GRAMD1A: variants seen among roughly 807,000 people sequenced by gnomAD.
GRAMD1A encodes the protein GRAM domain containing 1A.
GRAMD1A carries 50 observed loss-of-function variants against 92.0 expected under a neutral mutation model. That is an observed-to-expected ratio of 0.54 (90% CI 0.43 to 0.69). The LOEUF (loss-of-function observed/expected upper bound fraction) is 0.69, where lower values mean the gene tolerates loss of function less well. Among genes scored for constraint, GRAMD1A ranks in the 30% least tolerant of loss-of-function variants. The pLI is 0.00. For missense variants in GRAMD1A, 819 were observed against 978.9 expected (o/e 0.84, Z 2.18); for synonymous variants, 405 against 403.6 (o/e 1.00, Z -0.04).
At chr19:35,003,664 G>A (rs547605679) in intron 1 of GRAMD1A, among the ~76,000 whole-genome samples, 10 of 152,346 alleles carry the variant, frequency 6.6e-5, no homozygotes, top group African/African-American at 2.4e-4. Flanking sequence ...GGCAGGGGAG[G>A]ATGTGGTCCT....
chr19:35,013,732 A>G lies in GRAMD1A; in HGVS notation c.870+41A>G. On this transcript the variant is annotated intron_variant, in intron 9 of 19. Transcript: ENST00000317991. The surrounding 1 kb of genome is among the most constrained non-coding windows in gnomAD (Gnocchi z 4.9). ...GAAGAGGGGTGGGATACTGATAGGAAGAGAGAGGAGGGCTGGGGGTGCAGT... is the reference window on the plus strand; with the variant it reads ...GAAGAGGGGTGGGATACTGATAGGAGGAGAGAGGAGGGCTGGGGGTGCAGT... 3 of 1,560,060 alleles carry G rather than the reference A, an allele frequency of 1.9e-6. No individual in the cohort carries two copies. The highest frequency in any genetic ancestry group is 2.3e-5 in the South Asian group (2 of 85,706).
chr19:35,021,277 A>G lies in GRAMD1A; in HGVS notation c.1476-225A>G, dbSNP rs533146594. ...CGGGAGCGTTGCCCAGGTAGTGGGCATGGGTGGAGAAGGACCGAGGGCTGA... is the reference window on the plus strand; with the variant it reads ...CGGGAGCGTTGCCCAGGTAGTGGGCGTGGGTGGAGAAGGACCGAGGGCTGA... On this transcript the variant is annotated intron_variant, in intron 13 of 19. Coordinates refer to ENST00000317991, the MANE Select transcript of GRAMD1A (RefSeq NM_020895.5). This position sits in a 1 kb window ranked among gnomAD's most constrained non-coding sequence, Gnocchi z 5.3. Among the ~76,000 whole-genome samples, 2 of 152,270 alleles carry G rather than the reference A, an allele frequency of 1.3e-5. No individual in the cohort carries two copies. Among genetic ancestry groups the G allele is most frequent in the Non-Finnish European group, 2.9e-5 (2 of 68,014 alleles).
chr19:35,015,724 C>A, intron 10 of GRAMD1A, 100 bp from the exon 11 acceptor site: 1 of 1,158,698 alleles, frequency 8.6e-7, no homozygotes, highest in Non-Finnish European at 1.2e-6. Context: ...AGGTGGGGTC[C>A]GCCCATGCAC....
At chr19:35,025,469 CCT>C (rs1281769706) in intron 19 of GRAMD1A, 1 of 152,448 alleles carries the variant, frequency 6.6e-6, no homozygotes, top group African/African-American at 2.4e-5. Context: ...GTCTTGAACT[CCT>C]GACCTTAAGT....
At chr19:34,995,392 G>C (rs372927505), upstream of GRAMD1A, among the ~76,000 whole-genome samples, 1 of 152,056 alleles carries the variant, frequency 6.6e-6, no homozygotes, top group Non-Finnish European at 1.5e-5. Context: ...AGCACTTACT[G>C]TGTTGGGGCC....
intron 6 of GRAMD1A, 106 bp downstream of exon 6, chr19:35,010,485 C>A (rs1400716661): frequency 1.3e-6 from 1 of 750,632 alleles, no homozygotes; most frequent in Admixed American, 2.1e-5. Context: ...TCTCTCCGAG[C>A]TGTCCCCTTC....
At chr19:35,015,791 C>T in intron 10 of GRAMD1A, 33 bp from the exon 11 acceptor site, 1 of 1,602,320 alleles carries the variant, frequency 6.2e-7, no homozygotes. Flanking sequence ...GGAGTGGAGG[C>T]AGTCATCATC....
At chr19:35,023,165 A>G (rs2016194450) in intron 17 of GRAMD1A, 71 bp from the exon 18 acceptor site, 3 of 1,076,984 alleles carry the variant, frequency 2.8e-6, no homozygotes, top group Non-Finnish European at 4.3e-6. Context: ...TGTCCCTACA[A>G]GATGTAGTTG....
Position 35,021,848 on chromosome 19 carries a change from C to T in GRAMD1A, c.1737C>T (p.Ala579=), listed in dbSNP as rs764724708. The T allele has an allele frequency of 3.1e-5, 50 of 1,602,656 alleles. No homozygotes were observed. The highest frequency in any genetic ancestry group is 2.0e-4 in the Admixed American group (12 of 59,028). The change falls in exon 15 of 20, where the codon GCC becomes GCT. Residue 579 remains alanine, a synonymous_variant. Transcript: ENST00000317991. The surrounding 1 kb of genome is among the most constrained non-coding windows in gnomAD (Gnocchi z 5.3). The stretch of plus-strand genomic sequence containing the variant: ...CAGATCCTGACCCCTGTGCCCGGGC[C>T]GGCATTCACACCTCGGGTACGTTCC... ...QHPDPDPCAR[A]GIHTSGSLSS...
intron 6 of GRAMD1A, among the ~76,000 whole-genome samples, chr19:35,011,203 T>C (rs2015212470): frequency 6.6e-6 from 1 of 151,974 alleles, no homozygotes. Flanking sequence ...CCCTCTGGGC[T>C]GACCCTGTCT....
upstream of GRAMD1A, chr19:34,996,321 G>A: frequency 6.8e-7 from 1 of 1,469,214 alleles, no homozygotes; most frequent in Non-Finnish European, 9.0e-7. Context: ...ACAGGAAAGA[G>A]GGTCTCTCTG....
intron 6 of GRAMD1A, 53 bp downstream of exon 6, chr19:35,010,432 C>A: frequency 8.6e-7 from 1 of 1,159,810 alleles, no homozygotes; most frequent in Non-Finnish European, 1.3e-6. Flanking sequence ...AGCAGGCCGC[C>A]TCCCCCAAAC....
At chr19:35,006,174 T>G (rs1422322212) in intron 1 of GRAMD1A, among the ~76,000 whole-genome samples, 3 of 152,178 alleles carry the variant, frequency 2.0e-5, no homozygotes, top group East Asian at 1.9e-4. Context: ...TACAAAAAAT[T>G]AGCTGGGCAT....
At chr19:34,998,298 C>CTTTTT (rs67881737), upstream of GRAMD1A, 6 of 76,950 alleles carry the variant, frequency 7.8e-5, no homozygotes, top group African/African-American at 9.1e-5. Flanking sequence ...TATTTTCTTC[C>CTTTTT]TTTTTTTTTT....
chr19:34,995,570 G>GTTTTTTTTTTT (rs1173583059), upstream of GRAMD1A, among the ~76,000 whole-genome samples: 217 of 80,946 alleles, frequency 2.7e-3, 54 homozygotes, highest in African/African-American at 5.6e-3. Flanking sequence ...TCAGATCACG[G>GTTTTTTTTTTT]GTTTTTTTTT....
chr19:34,998,290 T>C (rs975027439), upstream of GRAMD1A: 9 of 144,794 alleles, frequency 6.2e-5, no homozygotes, highest in Non-Finnish European at 1.2e-4. Context: ...GACTGTTATA[T>C]TTTCTTCCTT....
Position 35,021,607 on chromosome 19 carries a change from T to C in GRAMD1A, c.1579+2T>C, listed in dbSNP as rs1159509381. On this transcript the variant is annotated splice_donor_variant, in intron 14 of 19. Coordinates refer to ENST00000317991, the MANE Select transcript of GRAMD1A (RefSeq NM_020895.5). LOFTEE classifies it high-confidence loss of function. The surrounding 1 kb of genome is among the most constrained non-coding windows in gnomAD (Gnocchi z 5.3). ...TTGAAGACTATTTCCACCATCTGGG[T>C]AGGGACAGAAGGCCGGCTGGGGCGT... is the stretch of plus-strand genomic sequence containing the variant. The C allele has an allele frequency of 6.2e-7, 1 of 1,613,498 alleles. No individual in the cohort carries two copies. The highest frequency in any genetic ancestry group is 8.5e-7 in the Non-Finnish European group (1 of 1,179,470).
At chr19:35,022,791 G>T (rs2016158953) in intron 16 of GRAMD1A, 109 bp from the exon 17 acceptor site, 17 of 1,006,484 alleles carry the variant, frequency 1.7e-5, no homozygotes, top group Non-Finnish European at 2.4e-5. Flanking sequence ...CCAGTGAGGG[G>T]GCGTGGTGCT....
intron 9 of GRAMD1A, 100 bp from the exon 10 acceptor site, chr19:35,014,089 G>T: frequency 8.8e-7 from 1 of 1,131,922 alleles, no homozygotes; most frequent in East Asian, 2.4e-5. Context: ...ACACCACCCC[G>T]GGTCTGCACA....
Sources: allele counts gnomAD v4.1 joint callset (sites outside exome capture counted in the v4.1 genomes callset), GRCh38; gene constraint gnomAD v4.1.1; non-coding constraint Gnocchi (gnomAD v3.1); transcripts MANE v1.5; gene names NCBI Gene and HGNC (gene_info 2026-07-23, HGNC 2026-07-21).